Variants in CTNND2 observed in about 807,000 individuals in gnomAD.
CTNND2 encodes the protein catenin delta 2, also known as catenin delta-2.
In CTNND2, 22 loss-of-function variants were observed where a neutral mutation model predicts 144.4. The ratio of observed to expected loss-of-function variants is 0.15; its 90% CI spans 0.11 to 0.22. The LOEUF is 0.22. Ranked by LOEUF, CTNND2 falls within the 10% of genes least tolerant of loss-of-function variation. The pLI is 1.00. For missense variants in CTNND2, 1,353 were observed against 1,618.8 expected (o/e 0.84, Z 2.82); for synonymous variants, 751 against 695.6 (o/e 1.08, Z -1.25).
intron 11 of CTNND2, among the ~76,000 whole-genome samples, chr5:11,172,943 C>G (rs1322941444): frequency 6.6e-6 from 1 of 152,190 alleles, no homozygotes; most frequent in African/African-American, 2.4e-5. Flanking sequence ...GAGAGTGGGA[C>G]ATAGGTATTG....
chr5:11,270,088 A>G (rs1745841021), intron 9 of CTNND2, among the ~76,000 whole-genome samples: 1 of 152,184 alleles, frequency 6.6e-6, no homozygotes, highest in African/African-American at 2.4e-5. Context: ...TTGTGTCTAA[A>G]TCCTCAATGT....
intron 6 of CTNND2, among the ~76,000 whole-genome samples, chr5:11,389,486 C>G (rs1759423221): frequency 7.7e-6 from 1 of 130,600 alleles, no homozygotes; most frequent in African/African-American, 2.5e-5. Context: ...TTTTACATTA[C>G]ATGGTGTGTG....
chr5:11,314,514 T>A (rs1003691090), intron 9 of CTNND2, among the ~76,000 whole-genome samples: 2 of 152,118 alleles, frequency 1.3e-5, no homozygotes, highest in Admixed American at 1.3e-4. Context: ...CACACCACGA[T>A]GCCTAGCTAA....
At chr5:11,810,788 T>A (rs1017415939) in intron 1 of CTNND2, among the ~76,000 whole-genome samples, 1 of 152,204 alleles carries the variant, frequency 6.6e-6, no homozygotes, top group Non-Finnish European at 1.5e-5. Flanking sequence ...TTACGCATTG[T>A]CATACTACTT....
chr5:11,119,273 A>G (rs528705965), intron 12 of CTNND2, among the ~76,000 whole-genome samples: 12 of 152,330 alleles, frequency 7.9e-5, no homozygotes, highest in African/African-American at 2.9e-4. Flanking sequence ...TGATACCTAA[A>G]AAGTTCCACA....
chr5:11,292,820 G>A (rs887082482), intron 9 of CTNND2, among the ~76,000 whole-genome samples: 45 of 152,128 alleles, frequency 3.0e-4, no homozygotes, highest in Non-Finnish European at 5.6e-4. Context: ...CACAGCCCAG[G>A]AACTGCCATA....
rs116105529 is a variant in CTNND2 at position 11,023,079 on chromosome 5, C to T, written c.2789-100G>A. 1.2e-4 allele frequency: 116 copies of T among 993,038 alleles called. 1 individual carries two copies. The highest frequency in any genetic ancestry group is 6.4e-4 in the African/African-American group (40 of 62,708). 61.5% of individuals were successfully genotyped at this position (993,038 alleles called of 1,614,324 possible). The stretch of plus-strand genomic sequence containing the variant: ...GGGGAGAAGAGAATACGAGAGGCCA[C>T]GTTTATGCAAAATTGTTTGTTTCCC... On this transcript the variant is annotated intron_variant, in intron 16 of 21. Transcript: ENST00000304623.
intron 16 of CTNND2, among the ~76,000 whole-genome samples, chr5:11,079,921 T>A (rs1411334422): frequency 6.6e-6 from 1 of 152,170 alleles, no homozygotes; most frequent in East Asian, 1.9e-4. Context: ...TGGGCAATAA[T>A]GTTTTTGGAT....
At chr5:11,501,063 A>G (rs1022533486) in intron 3 of CTNND2, among the ~76,000 whole-genome samples, 1 of 152,080 alleles carries the variant, frequency 6.6e-6, no homozygotes, top group Non-Finnish European at 1.5e-5. Flanking sequence ...ATATTTTAAC[A>G]CTCCTTGAAA....
intron 3 of CTNND2, among the ~76,000 whole-genome samples, chr5:11,434,118 T>C (rs1040983533): frequency 6.6e-6 from 1 of 152,214 alleles, no homozygotes; most frequent in Non-Finnish European, 1.5e-5. Context: ...AGTATATTTA[T>C]ACAATAGAAA....
chr5:11,618,105 C>T (rs372324878), intron 2 of CTNND2, among the ~76,000 whole-genome samples: 3 of 151,038 alleles, frequency 2.0e-5, no homozygotes, highest in African/African-American at 7.3e-5. Flanking sequence ...TTTTTAATAC[C>T]ATTCATATCT....
At chr5:11,531,235 G>T (rs550893353) in intron 3 of CTNND2, among the ~76,000 whole-genome samples, 1 of 152,238 alleles carries the variant, frequency 6.6e-6, no homozygotes, top group African/African-American at 2.4e-5. Context: ...AGGAACAAAA[G>T]CCAGCAGCAA....
intron 16 of CTNND2, among the ~76,000 whole-genome samples, chr5:11,036,128 A>ATT (rs72380877): frequency 2.7e-5 from 4 of 150,108 alleles, no homozygotes; most frequent in African/African-American, 7.3e-5. Context: ...TATCGTGTTA[A>ATT]TTTTTTTTTT....
chr5:11,853,147 C>T (rs1409173234), intron 1 of CTNND2, among the ~76,000 whole-genome samples: 1 of 152,142 alleles, frequency 6.6e-6, no homozygotes, highest in Non-Finnish European at 1.5e-5. Flanking sequence ...AAAACTCACT[C>T]TTTTTCCCTC....
chr5:11,312,108 C>T (rs993657323), intron 9 of CTNND2, among the ~76,000 whole-genome samples: 12 of 149,688 alleles, frequency 8.0e-5, no homozygotes, highest in Admixed American at 2.0e-4. Context: ...ACACCCCACA[C>T]GCACACACAC....
At chr5:11,577,916 A>C (rs1351246058) in intron 2 of CTNND2, among the ~76,000 whole-genome samples, 3 of 152,322 alleles carry the variant, frequency 2.0e-5, no homozygotes, top group African/African-American at 7.2e-5. Context: ...ACTATATTGC[A>C]CTGCAAGGAT....
intron 10 of CTNND2, among the ~76,000 whole-genome samples, chr5:11,234,927 C>A (rs1741461000): frequency 6.6e-6 from 1 of 152,208 alleles, no homozygotes; most frequent in South Asian, 2.1e-4. Context: ...CATGTGAGAA[C>A]CCACTTCCCA....
In CTNND2 at chr5:11,442,929, TAATA is replaced by T. The variant is rs1169847858; in HGVS notation, c.288-30864_288-30861del. On this transcript the variant is annotated intron_variant, in intron 3 of 21. Transcript: ENST00000304623. ...GAAAAGCACTAAAATTAATAAGATATAATAAATACATATAATAATTATATATAAA... is the reference window on the plus strand; with the variant it reads ...GAAAAGCACTAAAATTAATAAGATATAATACATATAATAATTATATATAAA... 1.4e-4 allele frequency among the ~76,000 whole-genome samples: 21 copies of T among 147,282 alleles called. 1 individual carries two copies. The South Asian group carries it at 3.1e-3, about 22-fold the overall frequency.
At chr5:11,794,352 T>C (rs1791292582) in intron 1 of CTNND2, among the ~76,000 whole-genome samples, 1 of 152,352 alleles carries the variant, frequency 6.6e-6, no homozygotes, top group Non-Finnish European at 1.5e-5. Context: ...GAAAAAATGG[T>C]GTATCAACGT....
Sources: allele counts gnomAD v4.1 joint callset (sites outside exome capture counted in the v4.1 genomes callset), GRCh38; gene constraint gnomAD v4.1.1; transcripts MANE v1.5; gene names NCBI Gene and HGNC (gene_info 2026-07-23, HGNC 2026-07-21).